PTPRJ: variants seen among roughly 807,000 people sequenced by gnomAD.
The protein encoded by PTPRJ is protein tyrosine phosphatase receptor type J.
PTPRJ carries 129 observed loss-of-function variants against 141.3 expected under a neutral mutation model. That is an observed-to-expected ratio of 0.91 (90% CI 0.79 to 1.06). PTPRJ has a LOEUF of 1.06. PTPRJ is among the 50% of genes least tolerant of loss of function. PTPRJ has a pLI of 0.00. For synonymous variants in PTPRJ, 610 were observed against 640.5 expected, an observed-to-expected ratio of 0.95 and a Z score of 0.72; for missense variants, 1,601 against 1,679.7, an observed-to-expected ratio of 0.95 and a Z score of 0.82.
At chr11:48,092,097 A>G (rs907460981) in intron 1 of PTPRJ, among the ~76,000 whole-genome samples, 1 of 151,886 alleles carries the variant, frequency 6.6e-6, no homozygotes, top group African/African-American at 2.4e-5. Context: ...GGAGTTCGAG[A>G]CCAGCCTGGG....
At chr11:48,034,786 A>G (rs905058567) in intron 1 of PTPRJ, among the ~76,000 whole-genome samples, 2 of 152,344 alleles carry the variant, frequency 1.3e-5, no homozygotes, top group South Asian at 4.1e-4. Flanking sequence ...ATTATACTCC[A>G]AGGCCTGTCG....
intron 6 of PTPRJ, among the ~76,000 whole-genome samples, chr11:48,126,600 G>C (rs148693074): frequency 2.0e-5 from 3 of 151,962 alleles, no homozygotes; most frequent in African/African-American, 7.3e-5. Context: ...GTGGTTGAAG[G>C]GGTGAGGGCG....
At chr11:48,048,628 T>C (rs752643852) in intron 1 of PTPRJ, among the ~76,000 whole-genome samples, 6 of 151,966 alleles carry the variant, frequency 3.9e-5, no homozygotes, top group East Asian at 1.9e-4. Context: ...ACCCCGTCTC[T>C]ACTAAAAATA....
chr11:48,120,181 C>G (rs748374208), intron 3 of PTPRJ, among the ~76,000 whole-genome samples: 16 of 152,300 alleles, frequency 1.1e-4, no homozygotes, highest in Non-Finnish European at 2.1e-4. Flanking sequence ...AAACTTGAGA[C>G]TGAGAGGTTT....
chr11:48,116,177 C>T (rs765791232), intron 3 of PTPRJ, among the ~76,000 whole-genome samples: 33 of 151,166 alleles, frequency 2.2e-4, no homozygotes, highest in Non-Finnish European at 4.0e-4. Context: ...CTACAAGAGA[C>T]TCACCTCACC....
chr11:48,154,766 G>A (rs7952452), intron 19 of PTPRJ, among the ~76,000 whole-genome samples: 149,614 of 152,316 alleles, frequency 0.98, 73,540 homozygotes, highest in Middle Eastern at 1. Flanking sequence ...TTGACAAGGA[G>A]TATTGGCCCA....
At chr11:47,993,906 G>A (rs1206748358) in intron 1 of PTPRJ, among the ~76,000 whole-genome samples, 8 of 151,108 alleles carry the variant, frequency 5.3e-5, no homozygotes, top group Non-Finnish European at 1.2e-4. Flanking sequence ...TTGGCCCACT[G>A]CAAGCTCTGC....
At chr11:48,081,358 T>C (rs1425670668) in intron 1 of PTPRJ, among the ~76,000 whole-genome samples, 1 of 152,134 alleles carries the variant, frequency 6.6e-6, no homozygotes, top group African/African-American at 2.4e-5. Context: ...TGCTGGCCAG[T>C]CAGGCAGAAG....
At chr11:48,134,186 C>T (rs1176222608) in intron 8 of PTPRJ, among the ~76,000 whole-genome samples, 1 of 152,196 alleles carries the variant, frequency 6.6e-6, no homozygotes, top group Non-Finnish European at 1.5e-5. Flanking sequence ...CCTTTTCTCT[C>T]TGTGTCCACA....
chr11:48,150,999 T>G (rs1220662371), intron 18 of PTPRJ, among the ~76,000 whole-genome samples: 2 of 152,222 alleles, frequency 1.3e-5, no homozygotes, highest in Non-Finnish European at 2.9e-5. Flanking sequence ...TCTTTAATTC[T>G]GCCTTTTTGT....
intron 1 of PTPRJ, among the ~76,000 whole-genome samples, chr11:48,068,551 A>G (rs1855145211): frequency 6.6e-6 from 1 of 152,168 alleles, no homozygotes; most frequent in Admixed American, 6.5e-5. Flanking sequence ...ACTGTGAGTC[A>G]ATTAAGCCTC....
chr11:48,156,722 G>A (rs1169930490), intron 21 of PTPRJ, among the ~76,000 whole-genome samples: 1 of 151,786 alleles, frequency 6.6e-6, no homozygotes, highest in African/African-American at 2.4e-5. Flanking sequence ...GTGTAGCTGG[G>A]ACTACAGGCG....
Position 48,125,033 on chromosome 11 carries a change from G to T in PTPRJ, c.940G>T (p.Val314Leu), listed in dbSNP as rs777942402. The change falls in exon 6 of 25, where the codon GTG becomes TTG. Residue 314 changes from valine to leucine, a missense_variant. Val to Leu is a conservative substitution (Grantham distance 32). Transcript: ENST00000418331. ...CGCCCCTGTGCATGATGAGTCCCTC[G>T]TGGGACCTGTGGACCCATCCTCCGG... ...PTAPVHDESL[V>L]GPVDPSSGQQ... is the part of the protein sequence containing the mutation. 1.2e-5 allele frequency: 20 copies of T among 1,613,960 alleles called. No homozygotes were observed. The highest frequency in any genetic ancestry group is 2.2e-5 in the East Asian group (1 of 44,886).
chr11:48,045,798 T>G (rs1169277598), intron 1 of PTPRJ, among the ~76,000 whole-genome samples: 1 of 152,100 alleles, frequency 6.6e-6, no homozygotes, highest in African/African-American at 2.4e-5. Flanking sequence ...TGCCTGCCAG[T>G]GGGGTGAGGG....
chr11:47,985,671 CATTT>C (rs139376265), intron 1 of PTPRJ, among the ~76,000 whole-genome samples: 100,480 of 135,830 alleles, frequency 0.74, 38,649 homozygotes, highest in Non-Finnish European at 0.83. Context: ...AGGTGGCAGA[CATTT>C]ATTTATTTAT....
chr11:48,126,923 A>G (rs150724409), intron 6 of PTPRJ, among the ~76,000 whole-genome samples: 2,820 of 152,208 alleles, frequency 0.019, 28 homozygotes, highest in Non-Finnish European at 0.029. Flanking sequence ...TTGTTGAGGC[A>G]CCCAAGACAC....
chr11:48,111,706 T>C (rs1856446184), intron 2 of PTPRJ, among the ~76,000 whole-genome samples: 1 of 152,096 alleles, frequency 6.6e-6, no homozygotes, highest in Non-Finnish European at 1.5e-5. Flanking sequence ...TCATGAGCTA[T>C]TTTAACTGAA....
At chr11:48,113,340 G>A (rs1201985725) in intron 3 of PTPRJ, among the ~76,000 whole-genome samples, 1 of 152,126 alleles carries the variant, frequency 6.6e-6, no homozygotes, top group East Asian at 1.9e-4. Context: ...ATTCTTCCCT[G>A]TTAGTATATA....
chr11:48,008,949 G>T lies in PTPRJ; in HGVS notation c.96+27941G>T, dbSNP rs561390639. Among the ~76,000 whole-genome samples, 4 of 152,292 alleles carry T rather than the reference G, an allele frequency of 2.6e-5. No homozygotes were observed. The South Asian group carries it at 8.3e-4, about 32-fold the overall frequency. On this transcript the variant is annotated intron_variant, in intron 1 of 24. Coordinates refer to ENST00000418331, the MANE Select transcript of PTPRJ (RefSeq NM_002843.4). The stretch of plus-strand genomic sequence containing the variant: ...TATTGTTAGCAAAACTGGGGGGTGG[G>T]TTGGGAAAGGAAAGTAGTTCCTTCT...
Sources: allele counts gnomAD v4.1 joint callset (sites outside exome capture counted in the v4.1 genomes callset), GRCh38; gene constraint gnomAD v4.1.1; transcripts MANE v1.5; gene names NCBI Gene and HGNC (gene_info 2026-07-23, HGNC 2026-07-21).